GNA14: variants seen among roughly 807,000 people sequenced by gnomAD.
The protein encoded by GNA14 is guanine nucleotide-binding protein subunit alpha-14.
GNA14 carries 50 observed loss-of-function variants against 42.0 expected under a neutral mutation model. The observed-to-expected ratio is 1.19, with a 90% CI of 0.95 to 1.51. The LOEUF (loss-of-function observed/expected upper bound fraction) is 1.51, where lower values mean the gene tolerates loss of function less well. GNA14 is among the 40% of genes most tolerant of loss of function. The pLI, the probability that GNA14 is intolerant of heterozygous loss-of-function variation, is 0.00. For synonymous variants in GNA14, 173 were observed against 163.1 expected, an observed-to-expected ratio of 1.06 and a Z score of -0.46; for missense variants, 473 against 446.2, an observed-to-expected ratio of 1.06 and a Z score of -0.54.
At chr9:77,467,000 GGTGTGT>G (rs59321037) in intron 2 of GNA14, among the ~76,000 whole-genome samples, 2,587 of 143,596 alleles carry the variant, frequency 0.018, 74 homozygotes, top group African/African-American at 0.061. Flanking sequence ...TTTACCACTC[GGTGTGT>G]GTGTGTGTGT....
intron 1 of GNA14, among the ~76,000 whole-genome samples, chr9:77,545,336 CTT>C (rs1168094892): frequency 6.6e-6 from 1 of 152,156 alleles, no homozygotes; most frequent in African/African-American, 2.4e-5. Context: ...TACTGTAGGT[CTT>C]TAAAAATATA....
intron 1 of GNA14, among the ~76,000 whole-genome samples, chr9:77,593,456 G>A (rs1039957788): frequency 7.2e-5 from 11 of 151,900 alleles, no homozygotes; most frequent in Non-Finnish European, 1.5e-4. Flanking sequence ...GATTACAGGC[G>A]TGCACTACCA....
chr9:77,488,189 T>TA (rs2131733750), intron 2 of GNA14, among the ~76,000 whole-genome samples: 1 of 152,252 alleles, frequency 6.6e-6, no homozygotes, highest in African/African-American at 2.4e-5. Flanking sequence ...CAGAGAAATT[T>TA]AAAAAACTGT....
chr9:77,430,922 A>T (rs1835539438), intron 4 of GNA14, among the ~76,000 whole-genome samples: 1 of 152,170 alleles, frequency 6.6e-6, no homozygotes, highest in South Asian at 2.1e-4. Flanking sequence ...CTAAGGATAA[A>T]TCTTGGAGAA....
chr9:77,560,509 T>C (rs1157259378), intron 1 of GNA14, among the ~76,000 whole-genome samples: 2 of 151,994 alleles, frequency 1.3e-5, no homozygotes, highest in Non-Finnish European at 2.9e-5. Flanking sequence ...AGAGATTGGG[T>C]TTTCCCATGT....
chr9:77,544,157 T>C (rs565952174), intron 1 of GNA14, among the ~76,000 whole-genome samples: 20 of 152,288 alleles, frequency 1.3e-4, no homozygotes, highest in South Asian at 2.1e-4. Flanking sequence ...AGTTACACAA[T>C]TGTGCTCATT....
At chr9:77,629,563 G>GT (rs1218866885) in intron 1 of GNA14, among the ~76,000 whole-genome samples, 1 of 152,166 alleles carries the variant, frequency 6.6e-6, no homozygotes, top group Non-Finnish European at 1.5e-5. Flanking sequence ...AAAAGGATCA[G>GT]TTTATGTCCT....
intron 1 of GNA14, among the ~76,000 whole-genome samples, chr9:77,569,966 T>G (rs1346065499): frequency 6.6e-6 from 1 of 151,938 alleles, no homozygotes; most frequent in Non-Finnish European, 1.5e-5. Context: ...GGGGTTTCAC[T>G]GTGTTGGTCA....
intron 1 of GNA14, among the ~76,000 whole-genome samples, chr9:77,546,215 C>CAAA (rs764378681): frequency 1.1e-3 from 46 of 42,842 alleles, no homozygotes; most frequent in South Asian, 2.3e-3. Flanking sequence ...AGCTCCATCT[C>CAAA]AAAAAAAAAA....
At chr9:77,573,860 G>C (rs1823094547) in intron 1 of GNA14, among the ~76,000 whole-genome samples, 1 of 152,172 alleles carries the variant, frequency 6.6e-6, no homozygotes, top group African/African-American at 2.4e-5. Flanking sequence ...CCACCTTAGA[G>C]AAGAAGAGGG....
chr9:77,619,501 G>A (rs12346876), intron 1 of GNA14, among the ~76,000 whole-genome samples: 1 of 151,880 alleles, frequency 6.6e-6, no homozygotes, highest in Admixed American at 6.6e-5. Flanking sequence ...ATGCCTGGCC[G>A]AATGAGATAT....
intron 2 of GNA14, among the ~76,000 whole-genome samples, chr9:77,459,985 T>C (rs1028751199): frequency 2.0e-5 from 3 of 152,190 alleles, no homozygotes; most frequent in African/African-American, 7.2e-5. Flanking sequence ...GCTCCCTGCA[T>C]TTCTCACGGA....
intron 1 of GNA14, among the ~76,000 whole-genome samples, chr9:77,634,180 G>A (rs941492228): frequency 2.0e-5 from 3 of 152,062 alleles, no homozygotes; most frequent in African/African-American, 7.2e-5. Context: ...TGTGCTATGG[G>A]AGGCTGAGGC....
chr9:77,618,842 C>G (rs1358208438), intron 1 of GNA14, among the ~76,000 whole-genome samples: 2 of 149,574 alleles, frequency 1.3e-5, no homozygotes, highest in East Asian at 3.9e-4. Context: ...ACCGTTTTAG[C>G]CGGGATGGTC....
At chr9:77,438,911 C>T (rs1485725119) in intron 2 of GNA14, among the ~76,000 whole-genome samples, 10 of 152,144 alleles carry the variant, frequency 6.6e-5, no homozygotes, top group African/African-American at 1.9e-4. Context: ...AGGAAATAGG[C>T]GTGGACACAA....
intron 2 of GNA14, among the ~76,000 whole-genome samples, chr9:77,451,344 T>G (rs1835898583): frequency 6.6e-6 from 1 of 152,230 alleles, no homozygotes; most frequent in Non-Finnish European, 1.5e-5. Flanking sequence ...TTTGTTGTTG[T>G]GGACATTCTT....
In GNA14 at chr9:77,423,946, C is replaced by T. The variant is rs751924432; in HGVS notation, c.*33G>A. On this transcript the variant is annotated 3_prime_UTR_variant, in exon 7 of 7. Transcript: ENST00000341700. ...AAAACAAGGAGTTTGCAAATCACAT[C>T]TTCTGTTATAGGGGAGGAGTGGGCA... 2.7e-6 allele frequency: 4 copies of T among 1,475,448 alleles called. No individual in the cohort carries two copies. The Admixed American group carries it at 8.3e-5, about 31-fold the overall frequency. 91.4% of individuals were successfully genotyped at this position (1,475,448 alleles called of 1,614,324 possible).
chr9:77,438,160 CT>C (rs1393808238), intron 2 of GNA14, among the ~76,000 whole-genome samples: 15 of 152,300 alleles, frequency 9.8e-5, no homozygotes, highest in Non-Finnish European at 1.3e-4. Context: ...AGCTCAGCCT[CT>C]TTGGAAACCC....
At chr9:77,483,603 C>T (rs557580795) in intron 2 of GNA14, among the ~76,000 whole-genome samples, 69 of 152,294 alleles carry the variant, frequency 4.5e-4, no homozygotes, top group Non-Finnish European at 8.8e-4. Context: ...AAAGCTGTCA[C>T]ACAGGGACAT....
Sources: gnomAD v4.1 joint callset for allele counts (sites outside exome capture counted in the v4.1 genomes callset) on GRCh38, gnomAD v4.1.1 for gene constraint, MANE v1.5 for transcripts, NCBI Gene and HGNC (gene_info 2026-07-23, HGNC 2026-07-21) for gene names.